Variants in XXYLT1 observed in about 807,000 individuals in gnomAD.
The protein encoded by XXYLT1 is UDP-xylose:alpha-xyloside alpha-1,3-xylosyltransferase.
In XXYLT1, 20 loss-of-function variants were observed where a neutral mutation model predicts 28.9. The observed-to-expected ratio is 0.69, with a 90% CI of 0.49 to 1.00. The LOEUF (loss-of-function observed/expected upper bound fraction) is 1.00, where lower values mean the gene tolerates loss of function less well. XXYLT1 is among the 50% of genes least tolerant of loss of function. XXYLT1 has a pLI of 0.00. For missense variants in XXYLT1, 542 were observed against 560.1 expected, an observed-to-expected ratio of 0.97 and a Z score of 0.33; for synonymous variants, 257 against 253.8, an observed-to-expected ratio of 1.01 and a Z score of -0.12.
intron 3 of XXYLT1, chr3:195,093,702 T>TAAAG (rs1453172379): frequency 6.6e-6 from 1 of 151,752 alleles, no homozygotes; most frequent in East Asian, 1.9e-4. Flanking sequence ...AATAAATAAA[T>TAAAG]AAATAAATAA....
At position 195,257,728 on chromosome 3, in the gene XXYLT1, G is replaced by A. The variant is rs1021210733; in HGVS notation, c.504+12827C>T. Among the ~76,000 whole-genome samples the A allele has an allele frequency of 3.9e-4, 59 of 152,060 alleles. No individual in the cohort carries two copies. Among genetic ancestry groups the A allele is most frequent in the Non-Finnish European group, 7.4e-5 (5 of 67,950 alleles). On this transcript the variant is annotated intron_variant, in intron 1 of 3. Coordinates refer to ENST00000310380, the MANE Select transcript of XXYLT1 (RefSeq NM_152531.5). This position sits in a 1 kb window ranked among gnomAD's most constrained non-coding sequence, Gnocchi z 4.3. ...AGCCACACACTCACCCAGCCAGGCC[G>A]CCCTACCCCAGCTGCCCCCCTCTGC...
chr3:195,104,194 G>A lies in XXYLT1; in HGVS notation c.786-34083C>T, dbSNP rs1463642838. On this transcript the variant is annotated intron_variant, in intron 3 of 3. Transcript: ENST00000310380. ...TGTGACGGTGATGACGGTGATGAGG[G>A]CTCCGTGTGTGTGTGTGTGTGTGTG... Among the ~76,000 whole-genome samples, 4 of 139,270 alleles carry A rather than the reference G, an allele frequency of 2.9e-5. No homozygotes were observed. The Admixed American group carries it at 2.9e-4, about 10-fold the overall frequency. The allele number at this position is 139,270 out of a possible 152,430, so 91.4% of individuals were successfully genotyped here.
rs1159667051 is a variant in XXYLT1, at chr3:195,240,341, G to T, written c.505-13485C>A. ...AGAGCCTGGTGCCAGGCAGAAGCAG[G>T]CGTCTTTGCCACCCAGCCCTGTGCT... On this transcript the variant is annotated intron_variant, in intron 1 of 3. Transcript: ENST00000310380. The surrounding 1 kb of genome is among the most constrained non-coding windows in gnomAD (Gnocchi z 4.7). Among the ~76,000 whole-genome samples, 1 of 152,220 alleles carries T rather than the reference G, an allele frequency of 6.6e-6. No homozygotes were observed. Among genetic ancestry groups the T allele is most frequent in the Non-Finnish European group, 1.5e-5 (1 of 68,036 alleles).
intron 2 of XXYLT1, among the ~76,000 whole-genome samples, chr3:195,204,605 A>G (rs1560150792): frequency 6.6e-6 from 1 of 152,174 alleles, no homozygotes; most frequent in Non-Finnish European, 1.5e-5. Flanking sequence ...TGGCAGCCAC[A>G]GTGGCCGTGC....
At chr3:195,171,349 C>T (rs1721395487) in intron 2 of XXYLT1, among the ~76,000 whole-genome samples, 1 of 152,164 alleles carries the variant, frequency 6.6e-6, no homozygotes, top group Admixed American at 6.5e-5. Flanking sequence ...TCTGGGAGCC[C>T]GAGATGGTGT....
At position 195,076,695 on chromosome 3, in the gene XXYLT1, T is replaced by C. The variant is rs1309041418; in HGVS notation, c.786-6584A>G. Among the ~76,000 whole-genome samples the C allele has an allele frequency of 6.6e-6, 1 of 152,136 alleles. No individual in the cohort carries two copies. The highest frequency in any genetic ancestry group is 6.5e-5 in the Admixed American group (1 of 15,278). On this transcript the variant is annotated intron_variant, in intron 3 of 3. Coordinates refer to ENST00000310380, the MANE Select transcript of XXYLT1 (RefSeq NM_152531.5). This position sits in a 1 kb window ranked among gnomAD's most constrained non-coding sequence, Gnocchi z 5.3. ...TGTCTGGGCTAGGAGGGAGGGTCTGTTCCAGGCGCTCCCCTCGCTCCTGGT... is the reference window on the plus strand; with the variant it reads ...TGTCTGGGCTAGGAGGGAGGGTCTGCTCCAGGCGCTCCCCTCGCTCCTGGT...
intron 1 of XXYLT1, chr3:195,247,908 CACTG>C: frequency 4.6e-6 from 3 of 654,922 alleles, no homozygotes; most frequent in South Asian, 3.2e-5. Context: ...CCTGAGAGCT[CACTG>C]ACTCTCACGA....
intron 3 of XXYLT1, among the ~76,000 whole-genome samples, chr3:195,122,714 C>CACATTATTG (rs1718427778): frequency 6.6e-6 from 1 of 152,192 alleles, no homozygotes; most frequent in African/African-American, 2.4e-5. Flanking sequence ...TTTTTGGTTT[C>CACATTATTG]ACATTATTGA....
intron 1 of XXYLT1, among the ~76,000 whole-genome samples, chr3:195,242,566 C>T (rs773320707): frequency 5.9e-5 from 9 of 152,094 alleles, no homozygotes; most frequent in Admixed American, 5.2e-4. Flanking sequence ...ACAGCTCACC[C>T]GTACAGAGAC....
At chr3:195,227,855 C>T (rs115894848) in intron 1 of XXYLT1, among the ~76,000 whole-genome samples, 2 of 152,148 alleles carry the variant, frequency 1.3e-5, no homozygotes, top group African/African-American at 4.8e-5. Flanking sequence ...AGTACTAACG[C>T]GATCCTGAGT....
At chr3:195,214,798 G>A (rs1020924257) in intron 2 of XXYLT1, 6 of 152,126 alleles carry the variant, frequency 3.9e-5, no homozygotes, top group African/African-American at 7.2e-5. Flanking sequence ...TGCTCGCTTC[G>A]GCAGCACATA....
intron 3 of XXYLT1, among the ~76,000 whole-genome samples, chr3:195,084,350 G>A (rs1437944831): frequency 2.6e-5 from 4 of 152,208 alleles, no homozygotes; most frequent in East Asian, 1.9e-4. Flanking sequence ...CAGGAGGCCC[G>A]ATTCAAGTCA....
chr3:195,245,715 C>G (rs1199093185), intron 1 of XXYLT1, among the ~76,000 whole-genome samples: 1 of 152,150 alleles, frequency 6.6e-6, no homozygotes, highest in Admixed American at 6.6e-5. Flanking sequence ...GGGGCGGGTC[C>G]TTCATGAATG....
At chr3:195,159,483 G>T in intron 2 of XXYLT1, among the ~76,000 whole-genome samples, 1 of 152,202 alleles carries the variant, frequency 6.6e-6, no homozygotes, top group Admixed American at 6.5e-5. Context: ...AGAGCAGAAT[G>T]CATTGTGTAA....
At chr3:195,085,495 G>A (rs979414036) in intron 3 of XXYLT1, among the ~76,000 whole-genome samples, 6 of 152,192 alleles carry the variant, frequency 3.9e-5, no homozygotes, top group African/African-American at 1.2e-4. Context: ...ACCAGAGACC[G>A]CGGTGGGAGG....
At chr3:195,217,919 C>T (rs1401499224) in intron 2 of XXYLT1, among the ~76,000 whole-genome samples, 1 of 147,780 alleles carries the variant, frequency 6.8e-6, no homozygotes, top group Non-Finnish European at 1.5e-5. Context: ...AACTATATTA[C>T]AAGGCTACAG....
At chr3:195,247,057 T>G (rs1245215301) in intron 1 of XXYLT1, among the ~76,000 whole-genome samples, 3 of 152,194 alleles carry the variant, frequency 2.0e-5, no homozygotes, top group Non-Finnish European at 4.4e-5. Flanking sequence ...ATTCCCTAAT[T>G]CACCTTTTCT....
intron 3 of XXYLT1, among the ~76,000 whole-genome samples, chr3:195,110,227 AAG>A (rs1717471879): frequency 4.3e-5 from 1 of 23,240 alleles, no homozygotes; most frequent in Non-Finnish European, 1.0e-4. Context: ...TGTGGTGTAT[AAG>A]TGTGTGGTGT....
chr3:195,266,970 C>T (rs1473257948), intron 1 of XXYLT1, among the ~76,000 whole-genome samples: 1 of 152,228 alleles, frequency 6.6e-6, no homozygotes, highest in Non-Finnish European at 1.5e-5. Context: ...TAATATGCTT[C>T]CCTGTTCACA....
Sources: allele counts gnomAD v4.1 joint callset (sites outside exome capture counted in the v4.1 genomes callset), GRCh38; gene constraint gnomAD v4.1.1; non-coding constraint Gnocchi (gnomAD v3.1); transcripts MANE v1.5; gene names NCBI Gene and HGNC (gene_info 2026-07-23, HGNC 2026-07-21).